The following CCDC7 variants were observed in gnomAD, a reference collection of about 807,000 sequenced individuals.
The protein encoded by CCDC7 is coiled-coil domain-containing protein 7.
A neutral mutation model predicts 196.9 loss-of-function variants in CCDC7; 183 were observed. That is an observed-to-expected ratio of 0.93 (90% CI 0.82 to 1.05). The LOEUF (loss-of-function observed/expected upper bound fraction) is 1.05. Among genes scored for constraint, CCDC7 ranks in the 50% least tolerant of loss-of-function variants. The pLI, the probability that CCDC7 is intolerant of heterozygous loss-of-function variation, is 0.00. For missense variants in CCDC7, 1,540 were observed against 1,482.2 expected, an observed-to-expected ratio of 1.04 and a Z score of -0.64; for synonymous variants, 525 against 484.6, an observed-to-expected ratio of 1.08 and a Z score of -1.10.
chr10:32,652,089 G>A (rs1245373595), intron 20 of CCDC7, among the ~76,000 whole-genome samples: 1 of 151,980 alleles, frequency 6.6e-6, no homozygotes, highest in Non-Finnish European at 1.5e-5. Context: ...ATGTTTAGGT[G>A]CTCCTGTGTT....
intron 41 of CCDC7, among the ~76,000 whole-genome samples, chr10:32,868,572 T>A (rs2094297722): frequency 6.6e-6 from 1 of 151,934 alleles, no homozygotes; most frequent in Non-Finnish European, 1.5e-5. Context: ...AGCACATTAT[T>A]CTTTTTTTTT....
At chr10:32,840,323 A>C (rs994697695) in intron 33 of CCDC7, among the ~76,000 whole-genome samples, 1 of 152,056 alleles carries the variant, frequency 6.6e-6, no homozygotes, top group African/African-American at 2.4e-5. Flanking sequence ...AGGAGTTATT[A>C]CAACTTATAC....
At chr10:32,507,842 A>G (rs2045446471) in intron 9 of CCDC7, among the ~76,000 whole-genome samples, 1 of 152,218 alleles carries the variant, frequency 6.6e-6, no homozygotes, top group Non-Finnish European at 1.5e-5. Context: ...TTCATAGTAA[A>G]AACTTACAAC....
intron 28 of CCDC7, among the ~76,000 whole-genome samples, chr10:32,765,503 A>G (rs2078140550): frequency 6.6e-6 from 1 of 151,996 alleles, no homozygotes; most frequent in African/African-American, 2.4e-5. Flanking sequence ...GAATTTTCAC[A>G]TTGGTTTCCT....
intron 18 of CCDC7, among the ~76,000 whole-genome samples, chr10:32,627,499 A>C (rs991716651): frequency 1.3e-5 from 2 of 151,896 alleles, no homozygotes; most frequent in Non-Finnish European, 2.9e-5. Flanking sequence ...TATGCCTTTT[A>C]TTTCTTTCTC....
chr10:32,703,844 G>T (rs60182087), intron 24 of CCDC7, among the ~76,000 whole-genome samples: 8,102 of 152,010 alleles, frequency 0.053, 729 homozygotes, highest in African/African-American at 0.19. Flanking sequence ...CGTAGTTCTC[G>T]TGCCTTGGTT....
At chr10:32,681,738 TACACACACACACACAC>T (rs57829018) in intron 21 of CCDC7, among the ~76,000 whole-genome samples, 157 of 137,630 alleles carry the variant, frequency 1.1e-3, no homozygotes, top group African/African-American at 3.5e-3. Context: ...TTTATATGTA[TACACACACACACACAC>T]ACACACACAC....
At chr10:32,866,833 G>T (rs1017604612) in intron 41 of CCDC7, among the ~76,000 whole-genome samples, 1 of 151,566 alleles carries the variant, frequency 6.6e-6, no homozygotes, top group African/African-American at 2.4e-5. Context: ...AGTAAAAAAA[G>T]TACTTTACAG....
At chr10:32,518,501 A>C in exon 11 of CCDC7, 1 of 1,604,402 alleles carries the variant, frequency 6.2e-7, no homozygotes, top group Non-Finnish European at 8.5e-7. Flanking sequence ...TTGAAGGACA[A>C]AGAGGTTGGA....
intron 5 of CCDC7, among the ~76,000 whole-genome samples, chr10:32,470,078 T>C (rs1361983787): frequency 3.3e-5 from 5 of 152,196 alleles, no homozygotes; most frequent in Non-Finnish European, 7.4e-5. Context: ...TTCCTTGCCA[T>C]ATCTTCCCTA....
intron 25 of CCDC7, among the ~76,000 whole-genome samples, chr10:32,712,766 A>G (rs200575144): frequency 1.3e-5 from 2 of 152,332 alleles, no homozygotes; most frequent in South Asian, 2.1e-4. Context: ...ATCCTGGACA[A>G]CAGCCTCTGT....
rs967305564 is a variant in CCDC7, at chr10:32,669,619, G to C, written c.2122+5458G>C. Among the ~76,000 whole-genome samples the C allele has an allele frequency of 3.9e-5, 6 of 152,220 alleles. No individual in the cohort carries two copies. The East Asian group carries it at 1.2e-3, about 29-fold the overall frequency. On this transcript the variant is annotated intron_variant, in intron 21 of 41. Coordinates refer to ENST00000639629, the Ensembl canonical transcript of CCDC7. ...ATGATTTAGTCATGGTAGGTTGCATGTGTCTAGGAATTATTCATTTCTTCA... is the reference window on the plus strand; with the variant it reads ...ATGATTTAGTCATGGTAGGTTGCATCTGTCTAGGAATTATTCATTTCTTCA...
chr10:32,679,035 A>G (rs959273849), intron 21 of CCDC7, among the ~76,000 whole-genome samples: 3 of 152,044 alleles, frequency 2.0e-5, no homozygotes, highest in African/African-American at 7.2e-5. Flanking sequence ...TTTTTGATTC[A>G]TGAATATGTA....
chr10:32,649,623 G>A (rs2068371089), intron 20 of CCDC7, among the ~76,000 whole-genome samples: 1 of 152,124 alleles, frequency 6.6e-6, no homozygotes, highest in African/African-American at 2.4e-5. Flanking sequence ...TTTACAAGTT[G>A]CTTATTCTCC....
intron 13 of CCDC7, among the ~76,000 whole-genome samples, chr10:32,563,602 G>T (rs1363027514): frequency 6.6e-6 from 1 of 152,182 alleles, no homozygotes; most frequent in African/African-American, 2.4e-5. Flanking sequence ...GCCATATGTA[G>T]AAAGCTGAAA....
At chr10:32,449,332 G>A (rs957121845), upstream of CCDC7, among the ~76,000 whole-genome samples, 6 of 151,998 alleles carry the variant, frequency 3.9e-5, no homozygotes, top group Non-Finnish European at 8.8e-5. Flanking sequence ...GACTACAGGT[G>A]CCCACCACCA....
intron 32 of CCDC7, among the ~76,000 whole-genome samples, chr10:32,832,482 G>GA (rs1055374706): frequency 4.6e-5 from 7 of 151,344 alleles, no homozygotes; most frequent in South Asian, 2.1e-4. Context: ...CATCTTGGGG[G>GA]AAAAAAAACC....
intron 21 of CCDC7, among the ~76,000 whole-genome samples, chr10:32,677,301 C>T (rs1208778259): frequency 2.6e-5 from 4 of 151,266 alleles, no homozygotes; most frequent in Non-Finnish European, 5.9e-5. Context: ...ACCAGCATGG[C>T]ACATGTATAC....
At chr10:32,552,166 C>T (rs2053582302) in intron 13 of CCDC7, among the ~76,000 whole-genome samples, 1 of 152,152 alleles carries the variant, frequency 6.6e-6, no homozygotes, top group African/African-American at 2.4e-5. Flanking sequence ...TTCTTTGTCT[C>T]CTTTGGCTGC....
Sources: gnomAD v4.1 joint callset for allele counts (sites outside exome capture counted in the v4.1 genomes callset) on GRCh38, gnomAD v4.1.1 for gene constraint, MANE v1.5 for transcripts, NCBI Gene and HGNC (gene_info 2026-07-23, HGNC 2026-07-21) for gene names.